ZNF69: variants seen among roughly 807,000 people sequenced by gnomAD.
The protein encoded by ZNF69 is zinc finger protein 69.
In ZNF69, 47 loss-of-function variants were observed where a neutral mutation model predicts 50.9. That is an observed-to-expected ratio of 0.92 (90% CI 0.73 to 1.18). ZNF69 has a LOEUF of 1.18. Among genes scored for constraint, ZNF69 ranks in the 50% most tolerant of loss-of-function variants. The pLI, the probability that ZNF69 is intolerant of heterozygous loss-of-function variation, is 0.00. For missense variants in ZNF69, 717 were observed against 675.1 expected (o/e 1.06, Z -0.69); for synonymous variants, 216 against 223.1 (o/e 0.97, Z 0.29).
chr19:11,941,355 C>T, the ZNF69 span, among the ~76,000 whole-genome samples: 882 of 152,334 alleles, frequency 5.8e-3, 9 homozygotes, highest in African/African-American at 0.02. Context: ...GGGCGGCGCT[C>T]ATCGGGGAGG....
the ZNF69 span, among the ~76,000 whole-genome samples, chr19:11,943,046 C>T: frequency 6.6e-6 from 1 of 152,162 alleles, no homozygotes; most frequent in Non-Finnish European, 1.5e-5. Flanking sequence ...AAGGTAGTGA[C>T]AAAGCTTCTC....
At chr19:11,978,207 C>G in the ZNF69 span, 2 of 1,613,720 alleles carry the variant, frequency 1.2e-6, no homozygotes, top group Non-Finnish European at 1.7e-6. Context: ...GCTGAACTTC[C>G]AGGAGAAGAA....
the ZNF69 span, chr19:11,979,902 G>GTAAGATATGTGGGAAAGGCTT: frequency 7.1e-7 from 1 of 1,401,958 alleles, no homozygotes; most frequent in Non-Finnish European, 1.0e-6. Context: ...CCTTATAAAT[G>GTAAGATATGTGGGAAAGGCTT]TAAGATATGT....
At chr19:11,903,114 G>T (rs1415472880) in intron 1 of ZNF69, among the ~76,000 whole-genome samples, 2 of 152,240 alleles carry the variant, frequency 1.3e-5, no homozygotes, top group Non-Finnish European at 2.9e-5. Flanking sequence ...TCCAGCCTGG[G>T]TAACAGAACG....
At chr19:11,950,507 G>C in the ZNF69 span, 4 of 644,106 alleles carry the variant, frequency 6.2e-6, no homozygotes, top group Non-Finnish European at 1.1e-5. Flanking sequence ...ATCATGAAAG[G>C]ACTTACACTG....
intron 1 of ZNF69, among the ~76,000 whole-genome samples, chr19:11,892,347 T>C (rs1977115452): frequency 6.6e-6 from 1 of 152,116 alleles, no homozygotes; most frequent in South Asian, 2.1e-4. Flanking sequence ...CTAGCTGTTT[T>C]TTATTTCCTT....
chr19:11,904,397 G>A, intron 3 of ZNF69, among the ~76,000 whole-genome samples: 1 of 152,146 alleles, frequency 6.6e-6, no homozygotes, highest in East Asian at 1.9e-4. Context: ...AAATGACACA[G>A]AGTATTTAGT....
the ZNF69 span, among the ~76,000 whole-genome samples, chr19:11,954,583 C>T: frequency 6.6e-6 from 1 of 152,262 alleles, no homozygotes; most frequent in South Asian, 2.1e-4. Flanking sequence ...GTAATCCCAA[C>T]AATTTGGGAG....
intron 1 of ZNF69, among the ~76,000 whole-genome samples, chr19:11,890,581 C>G (rs1042208370): frequency 6.6e-6 from 1 of 152,112 alleles, no homozygotes; most frequent in Non-Finnish European, 1.5e-5. Context: ...GACACAGTAA[C>G]AATCTGATCT....
At chr19:11,900,622 G>T (rs1221986730) in intron 1 of ZNF69, among the ~76,000 whole-genome samples, 1 of 152,090 alleles carries the variant, frequency 6.6e-6, no homozygotes, top group Non-Finnish European at 1.5e-5. Context: ...AAAGTGCTGG[G>T]ATTAAGGCAT....
chr19:11,950,454 C>G, the ZNF69 span: 1 of 714,396 alleles, frequency 1.4e-6, no homozygotes, highest in Admixed American at 2.3e-5. Context: ...AAAGGACTCA[C>G]ACGGGAGAGA....
intron 2 of ZNF69, 49 bp downstream of exon 2, chr19:11,903,748 C>A (rs745798272): frequency 1.2e-6 from 2 of 1,609,402 alleles, no homozygotes; most frequent in Admixed American, 1.7e-5. Context: ...ACCAGTGTTT[C>A]TAGCTCATCA....
intron 1 of ZNF69, among the ~76,000 whole-genome samples, chr19:11,901,978 CTTTTTTTTTTT>C (rs58505422): frequency 1.7e-5 from 2 of 119,090 alleles, no homozygotes; most frequent in African/African-American, 6.7e-5. Flanking sequence ...ATGTTATTTT[CTTTTTTTTTTT>C]TTTTTTTTTG....
the ZNF69 span, chr19:11,961,613 A>C: frequency 7.6e-6 from 1 of 130,950 alleles, no homozygotes; most frequent in African/African-American, 4.0e-5. Context: ...ACAAAAAGGA[A>C]ACTTTCTTTT....
chr19:11,967,046 C>T, the ZNF69 span, among the ~76,000 whole-genome samples: 3 of 152,110 alleles, frequency 2.0e-5, no homozygotes, highest in African/African-American at 7.2e-5. Flanking sequence ...TTATTGAAAG[C>T]TACTCTGGGC....
At chr19:11,966,666 G>A in the ZNF69 span, among the ~76,000 whole-genome samples, 1 of 152,088 alleles carries the variant, frequency 6.6e-6, no homozygotes. Flanking sequence ...GAGCCACCTC[G>A]CCTGGCCGCA....
intron 1 of ZNF69, among the ~76,000 whole-genome samples, chr19:11,899,738 G>A (rs1053216769): frequency 4.6e-5 from 7 of 152,106 alleles, no homozygotes; most frequent in Non-Finnish European, 1.0e-4. Flanking sequence ...TCAGTTTTCA[G>A]TTCATTTGAG....
At chr19:11,918,208 T>TAGTA (rs1361481712), downstream of ZNF69, among the ~76,000 whole-genome samples, 1 of 152,202 alleles carries the variant, frequency 6.6e-6, no homozygotes. Context: ...TCAAATTTAC[T>TAGTA]AGGAAATGTC....
the ZNF69 span, among the ~76,000 whole-genome samples, chr19:11,971,547 G>A: frequency 2.6e-5 from 4 of 151,610 alleles, no homozygotes; most frequent in Non-Finnish European, 5.9e-5. Context: ...CTTAATTTTA[G>A]TGAAAAAAAC....
Sources: allele counts gnomAD v4.1 joint callset (sites outside exome capture counted in the v4.1 genomes callset), GRCh38; gene constraint gnomAD v4.1.1; transcripts MANE v1.5; gene names NCBI Gene and HGNC (gene_info 2026-07-23, HGNC 2026-07-21).